PCDHA5: variants seen among roughly 807,000 people sequenced by gnomAD.
PCDHA5 encodes the protein protocadherin alpha 5, also known as protocadherin alpha-5.
A neutral mutation model predicts 61.6 loss-of-function variants in PCDHA5; 43 were observed. The ratio of observed to expected loss-of-function variants is 0.70; its 90% CI spans 0.55 to 0.90. The LOEUF is 0.90. PCDHA5 is among the 40% of genes least tolerant of loss of function. The pLI is 0.00. For synonymous variants in PCDHA5, 627 were observed against 543.9 expected (o/e 1.15, Z -2.13); for missense variants, 1,298 against 1,222.7 (o/e 1.06, Z -0.92).
chr5:140,994,772 G>C (rs2097648880), intron 3 of PCDHA5, among the ~76,000 whole-genome samples: 2 of 152,118 alleles, frequency 1.3e-5, no homozygotes, highest in Non-Finnish European at 1.5e-5. Context: ...GAGAATTCCA[G>C]GCAAAGGAAA....
intron 1 of PCDHA5, among the ~76,000 whole-genome samples, chr5:140,908,540 G>T (rs1562965244): frequency 6.6e-6 from 1 of 152,150 alleles, no homozygotes; most frequent in African/African-American, 2.4e-5. Flanking sequence ...TTCCACCAAA[G>T]CCCAGTAATA....
At chr5:140,966,703 G>T in intron 1 of PCDHA5, 1 of 1,376,398 alleles carries the variant, frequency 7.3e-7, no homozygotes, top group South Asian at 1.7e-5. Flanking sequence ...CCCGGGCGTG[G>T]GGCACGGCTG....
chr5:140,978,820 TG>T, intron 1 of PCDHA5, 128 bp from the exon 2 acceptor site: 2 of 1,517,498 alleles, frequency 1.3e-6, no homozygotes, highest in Non-Finnish European at 1.8e-6. Flanking sequence ...GAGTTACACA[TG>T]AAATGGCTCA....
At position 141,009,957 on chromosome 5, in the gene PCDHA5, G is replaced by A; in HGVS notation, c.*20G>A. The stretch of plus-strand genomic sequence containing the variant: ...CAGTGAGGTCCTCAAATGGAAACAA[G>A]CCACTTAGCCAGTTTTTGTAATAAT... On this transcript the variant is annotated 3_prime_UTR_variant, in exon 4 of 4. Transcript: ENST00000529859. 1 of 1,589,160 alleles carries A rather than the reference G, an allele frequency of 6.3e-7. No individual in the cohort carries two copies. Among genetic ancestry groups the A allele is most frequent in the Non-Finnish European group, 8.5e-7 (1 of 1,171,102 alleles).
rs1554136884 is a variant in PCDHA5, at chr5:140,838,094, G to A, written c.2352+13967G>A. 2.8e-5 allele frequency among the ~76,000 whole-genome samples: 4 copies of A among 144,632 alleles called. 1 individual carries two copies. The highest frequency in any genetic ancestry group is 1.0e-4 in the African/African-American group (4 of 38,254). 94.9% of individuals were successfully genotyped at this position (144,632 alleles called of 152,430 possible). A position where few individuals can be genotyped will look rare whatever the true frequency, so the allele number is the denominator to read the frequency against. On this transcript the variant is annotated intron_variant, in intron 1 of 3. Transcript: ENST00000529859. ...ATATATATAGTGTGTGTGTGTGTGTGTGTGTGTGTGTGTGTGTGTGTGTGT... is the reference window on the plus strand; with the variant it reads ...ATATATATAGTGTGTGTGTGTGTGTATGTGTGTGTGTGTGTGTGTGTGTGT...
At chr5:140,853,680 C>CTATCCTTAGACCTGCTAACGCATTAGCAT in intron 1 of PCDHA5, 1 of 988,078 alleles carries the variant, frequency 1.0e-6, no homozygotes, top group South Asian at 4.7e-5. Context: ...TATGGTCAAC[C>CTATCCTTAGACCTGCTAACGCATTAGCAT]TATCCTTAGA....
At chr5:140,944,880 C>T (rs1275494519) in intron 1 of PCDHA5, among the ~76,000 whole-genome samples, 1 of 152,150 alleles carries the variant, frequency 6.6e-6, no homozygotes, top group Non-Finnish European at 1.5e-5. Flanking sequence ...ACCTACTCCA[C>T]TGTACAGTTC....
In PCDHA5 at chr5:140,976,792, T is replaced by C. The variant is rs982135806; in HGVS notation, c.2353-2157T>C. 2.1e-4 allele frequency among the ~76,000 whole-genome samples: 32 copies of C among 152,216 alleles called. 1 individual carries two copies. The highest frequency in any genetic ancestry group is 1.0e-3 in the Admixed American group (16 of 15,274). ...AGACTCTGACTATATAGCTACGCTT[T>C]TATGAATATCTGAAGATATGCATGT... On this transcript the variant is annotated intron_variant, in intron 1 of 3. Coordinates refer to ENST00000529859, the MANE Select transcript of PCDHA5 (RefSeq NM_018908.3).
At chr5:140,831,492 T>TGGG (rs1554133281) in intron 1 of PCDHA5, among the ~76,000 whole-genome samples, 1 of 147,590 alleles carries the variant, frequency 6.8e-6, no homozygotes, top group East Asian at 2.0e-4. Flanking sequence ...CTGGAGTTAC[T>TGGG]ACACACGAGC....
In PCDHA5 at chr5:140,843,462, C is replaced by T. The variant is rs2150360645; in HGVS notation, c.2352+19335C>T. 3.1e-6 allele frequency: 5 copies of T among 1,596,046 alleles called. 1 individual carries two copies. The highest frequency in any genetic ancestry group is 2.2e-5 in the East Asian group (1 of 44,822). ...GCGGTATCCAGCCTGCTGGTGCTCACGCTGCTGCTGTACACTGCGCTGCGG... is the reference window on the plus strand; with the variant it reads ...GCGGTATCCAGCCTGCTGGTGCTCATGCTGCTGCTGTACACTGCGCTGCGG... On this transcript the variant is annotated intron_variant, in intron 1 of 3. Coordinates refer to ENST00000529859, the MANE Select transcript of PCDHA5 (RefSeq NM_018908.3).
chr5:140,834,178 C>T (rs1772830464), intron 1 of PCDHA5: 2 of 557,246 alleles, frequency 3.6e-6, no homozygotes, highest in Admixed American at 3.3e-5. Flanking sequence ...ACATGATGGC[C>T]ACATGATGTC....
At chr5:140,927,288 C>T (rs917590577) in intron 1 of PCDHA5, 1 of 1,614,196 alleles carries the variant, frequency 6.2e-7, no homozygotes, top group Non-Finnish European at 8.5e-7. Context: ...TGCAGCTGCA[C>T]ATCCCCGAGT....
At chr5:140,968,473 G>A in intron 1 of PCDHA5, 1 of 1,614,098 alleles carries the variant, frequency 6.2e-7, no homozygotes. Flanking sequence ...ACGTATATGT[G>A]GTGGACATGA....
intron 1 of PCDHA5, chr5:140,926,614 C>A (rs2083406581): frequency 5.3e-6 from 2 of 377,642 alleles, no homozygotes; most frequent in Admixed American, 4.4e-5. Context: ...TCTCTGCACC[C>A]CTAGGCGGCG....
chr5:141,009,732 A>G lies in PCDHA5; in HGVS notation c.2606A>G (p.Glu869Gly). ...AACCCCAAACAATCCGGTCCCGGTG[A>G]GTTGCCCGACAAATTCATTATCCCA... is the stretch of plus-strand genomic sequence containing the variant. Reference protein sequence around the residue: ...PGNPKQSGPGELPDKFIIPGS... With the variant: ...PGNPKQSGPGGLPDKFIIPGS... Residue 869 changes from glutamate to glycine, a missense_variant, in exon 4 of 4, where the codon GAG becomes GGG. Transcript: ENST00000529859. The G allele has an allele frequency of 6.2e-7, 1 of 1,614,168 alleles. No individual in the cohort carries two copies. Among genetic ancestry groups the G allele is most frequent in the Non-Finnish European group, 8.5e-7 (1 of 1,180,032 alleles).
At chr5:140,832,011 C>T (rs2150198992) in intron 1 of PCDHA5, among the ~76,000 whole-genome samples, 7 of 152,126 alleles carry the variant, frequency 4.6e-5, no homozygotes, top group South Asian at 2.1e-4. Flanking sequence ...TTTCATTTTA[C>T]GTAAAGATTG....
intron 1 of PCDHA5, among the ~76,000 whole-genome samples, chr5:140,913,435 C>T (rs2153526525): frequency 6.6e-6 from 1 of 152,202 alleles, no homozygotes; most frequent in South Asian, 2.1e-4. Context: ...GTAATGCCTC[C>T]TTTTTCAGCT....
intron 1 of PCDHA5, among the ~76,000 whole-genome samples, chr5:140,920,334 T>A (rs2079581280): frequency 6.6e-6 from 1 of 152,212 alleles, no homozygotes; most frequent in South Asian, 2.1e-4. Context: ...TTATGGCATT[T>A]CTTATTTGTC....
intron 1 of PCDHA5, among the ~76,000 whole-genome samples, chr5:140,920,771 G>A (rs1256445366): frequency 6.6e-6 from 1 of 151,698 alleles, no homozygotes; most frequent in African/African-American, 2.4e-5. Context: ...TTACACCTGG[G>A]AGGTGGAGGT....
Sources: allele counts gnomAD v4.1 joint callset (sites outside exome capture counted in the v4.1 genomes callset), GRCh38; gene constraint gnomAD v4.1.1; transcripts MANE v1.5; gene names NCBI Gene and HGNC (gene_info 2026-07-23, HGNC 2026-07-21).